The following EXOC6B variants were observed in gnomAD, a reference collection of about 807,000 sequenced individuals.
The protein encoded by EXOC6B is exocyst complex component 6B.
EXOC6B carries 54 observed loss-of-function variants against 113.5 expected under a neutral mutation model. The observed-to-expected ratio is 0.48, with a 90% CI of 0.38 to 0.60. The LOEUF is 0.60. EXOC6B is among the 20% of genes least tolerant of loss of function. EXOC6B has a pLI of 0.00. For missense variants in EXOC6B, 797 were observed against 977.5 expected, an observed-to-expected ratio of 0.82 and a Z score of 2.46; for synonymous variants, 357 against 339.0, an observed-to-expected ratio of 1.05 and a Z score of -0.58.
intron 11 of EXOC6B, among the ~76,000 whole-genome samples, chr2:72,501,143 A>G (rs980575064): frequency 3.9e-5 from 6 of 152,084 alleles, no homozygotes; most frequent in Non-Finnish European, 8.8e-5. Flanking sequence ...ATGCTTTGTC[A>G]TTTCCTAGTG....
At chr2:72,752,817 T>C (rs181811783) in intron 1 of EXOC6B, among the ~76,000 whole-genome samples, 1 of 152,262 alleles carries the variant, frequency 6.6e-6, no homozygotes, top group African/African-American at 2.4e-5. Flanking sequence ...CTTTTGTATG[T>C]GCCACCATGA....
At chr2:72,232,196 A>G (rs145143722) in intron 20 of EXOC6B, among the ~76,000 whole-genome samples, 1 of 152,112 alleles carries the variant, frequency 6.6e-6, no homozygotes, top group Non-Finnish European at 1.5e-5. Context: ...GCTTGTTTCA[A>G]ACTCCGGACC....
intron 20 of EXOC6B, among the ~76,000 whole-genome samples, chr2:72,295,633 A>T (rs1411074394): frequency 6.6e-6 from 1 of 152,160 alleles, no homozygotes; most frequent in East Asian, 1.9e-4. Context: ...AGTGTTTACT[A>T]AGACAGTAAG....
chr2:72,561,919 A>G lies in EXOC6B; in HGVS notation c.847-2398T>C, dbSNP rs547720470. 3.3e-5 allele frequency among the ~76,000 whole-genome samples: 5 copies of G among 152,258 alleles called. No individual in the cohort carries two copies. In the East Asian group the frequency reaches 5.8e-4, roughly 18 times the overall value. ...CCAGTTAAGTCTTCCTAAGCATAAG[A>G]CTGCCTGCTTTGAAAGCAGTACACA... On this transcript the variant is annotated intron_variant, in intron 7 of 21. Transcript: ENST00000272427.
At chr2:72,451,514 T>C (rs1696912062) in intron 18 of EXOC6B, among the ~76,000 whole-genome samples, 1 of 152,134 alleles carries the variant, frequency 6.6e-6, no homozygotes, top group South Asian at 2.1e-4. Context: ...ATTGCAGAAA[T>C]CTATAAAGGC....
intron 6 of EXOC6B, among the ~76,000 whole-genome samples, chr2:72,697,878 A>T (rs971267835): frequency 1.3e-5 from 2 of 152,232 alleles, no homozygotes; most frequent in Non-Finnish European, 2.9e-5. Context: ...AACTGGTAGA[A>T]AGAATGACAA....
At chr2:72,623,473 C>T (rs1158798415) in intron 6 of EXOC6B, among the ~76,000 whole-genome samples, 1 of 152,168 alleles carries the variant, frequency 6.6e-6, no homozygotes, top group Non-Finnish European at 1.5e-5. Context: ...TCTATTACCT[C>T]TATTGAGTTT....
Position 72,655,341 on chromosome 2 carries a change from AG to A in EXOC6B, c.669+62761del, listed in dbSNP as rs369423313. Among the ~76,000 whole-genome samples the A allele has an allele frequency of 7.2e-5, 11 of 152,242 alleles. No individual in the cohort carries two copies. In the East Asian group the frequency reaches 1.9e-3, roughly 27 times the overall value. On this transcript the variant is annotated intron_variant, in intron 6 of 21. Transcript: ENST00000272427. ...AATTTTTTTAATTCTTTAAATTTAT[AG>A]ATTTTTTTAAAGGGCAAACTAAAAA...
Position 72,179,203 on chromosome 2 carries a change from G to T in EXOC6B, c.*132C>A. 9.9e-7 allele frequency: 1 copy of T among 1,014,952 alleles called. No homozygotes were observed. The highest frequency in any genetic ancestry group is 1.6e-5 in the African/African-American group (1 of 61,378). 62.9% of individuals were successfully genotyped at this position (1,014,952 alleles called of 1,614,324 possible). Reference sequence around the variant, plus strand: ...TATAGGGAAATGTTATGTGAATACTGCACAGGGGTTAATAAAAAAATACAT... The same window carrying T: ...TATAGGGAAATGTTATGTGAATACTTCACAGGGGTTAATAAAAAAATACAT... On this transcript the variant is annotated 3_prime_UTR_variant, in exon 22 of 22. Coordinates refer to ENST00000272427, the MANE Select transcript of EXOC6B (RefSeq NM_015189.3).
intron 20 of EXOC6B, among the ~76,000 whole-genome samples, chr2:72,300,440 G>T (rs891378081): frequency 6.6e-6 from 1 of 152,214 alleles, no homozygotes. Flanking sequence ...TCAGCCAGTG[G>T]ATCTTAGCTT....
intron 6 of EXOC6B, among the ~76,000 whole-genome samples, chr2:72,651,384 G>C (rs1016085991): frequency 6.6e-6 from 1 of 152,172 alleles, no homozygotes; most frequent in African/African-American, 2.4e-5. Context: ...TTACAAACAA[G>C]TGAGGTGGGC....
chr2:72,751,510 G>A (rs898661180), intron 1 of EXOC6B, among the ~76,000 whole-genome samples: 4 of 152,056 alleles, frequency 2.6e-5, no homozygotes, highest in African/African-American at 7.2e-5. Context: ...AGATTTTCAG[G>A]TTAACTCTGG....
chr2:72,699,974 C>T (rs1678194824), intron 6 of EXOC6B, among the ~76,000 whole-genome samples: 1 of 152,088 alleles, frequency 6.6e-6, no homozygotes, highest in Non-Finnish European at 1.5e-5. Context: ...AAGTCCCTTA[C>T]CTAAAATGGT....
chr2:72,788,731 G>A (rs1375131762), intron 1 of EXOC6B, among the ~76,000 whole-genome samples: 2 of 152,102 alleles, frequency 1.3e-5, no homozygotes, highest in Non-Finnish European at 2.9e-5. Context: ...CTAGGAGGTC[G>A]AAGCTGCAAG....
At chr2:72,448,822 C>A (rs1480315895) in intron 18 of EXOC6B, among the ~76,000 whole-genome samples, 1 of 152,176 alleles carries the variant, frequency 6.6e-6, no homozygotes, top group Non-Finnish European at 1.5e-5. Flanking sequence ...AACCACAGAT[C>A]ATTTCACTTT....
intron 19 of EXOC6B, among the ~76,000 whole-genome samples, chr2:72,363,155 C>T (rs897148619): frequency 1.3e-5 from 2 of 151,914 alleles, no homozygotes; most frequent in African/African-American, 4.8e-5. Context: ...AGATGAAATC[C>T]ACACAAAGCA....
At chr2:72,365,467 G>A (rs1022607055) in intron 19 of EXOC6B, among the ~76,000 whole-genome samples, 4 of 152,118 alleles carry the variant, frequency 2.6e-5, no homozygotes, top group African/African-American at 4.8e-5. Flanking sequence ...GAGAGCAAGC[G>A]AGGCAAGCTA....
intron 18 of EXOC6B, among the ~76,000 whole-genome samples, chr2:72,395,068 A>AC (rs1692637235): frequency 1.3e-5 from 2 of 152,152 alleles, no homozygotes; most frequent in African/African-American, 4.8e-5. Flanking sequence ...AAGAGAAAAG[A>AC]AAAAAAGGAA....
intron 1 of EXOC6B, among the ~76,000 whole-genome samples, chr2:72,795,952 G>T (rs1684917556): frequency 6.6e-6 from 1 of 151,950 alleles, no homozygotes; most frequent in Non-Finnish European, 1.5e-5. Context: ...TCAGCAAGCA[G>T]CTGGGACTAC....
Sources: allele counts gnomAD v4.1 joint callset (sites outside exome capture counted in the v4.1 genomes callset), GRCh38; gene constraint gnomAD v4.1.1; transcripts MANE v1.5; gene names NCBI Gene and HGNC (gene_info 2026-07-23, HGNC 2026-07-21).